The following TMEM38B variants were observed in gnomAD, a reference collection of about 807,000 sequenced individuals.
TMEM38B encodes transmembrane protein 38B.
In TMEM38B, 24 loss-of-function variants were observed where a neutral mutation model predicts 28.7. The observed-to-expected ratio is 0.84, with a 90% CI of 0.61 to 1.18. The LOEUF (loss-of-function observed/expected upper bound fraction) is 1.18, where lower values mean the gene tolerates loss of function less well. TMEM38B is among the 50% of genes most tolerant of loss of function. The pLI is 0.00. For synonymous variants in TMEM38B, 131 were observed against 127.7 expected (o/e 1.03, Z -0.17); for missense variants, 380 against 350.9 (o/e 1.08, Z -0.66).
At chr9:105,715,033 A>G (rs996706585) in intron 2 of TMEM38B, among the ~76,000 whole-genome samples, 2 of 152,154 alleles carry the variant, frequency 1.3e-5, no homozygotes, top group East Asian at 1.9e-4. Flanking sequence ...CCTTTCTTCC[A>G]CCCTAAGAAT....
chr9:105,715,266 CT>C (rs899643036), intron 2 of TMEM38B, among the ~76,000 whole-genome samples: 64 of 152,176 alleles, frequency 4.2e-4, no homozygotes, highest in African/African-American at 1.5e-3. Flanking sequence ...TTTCTTCTGG[CT>C]TAAAGCACTG....
chr9:105,751,062 C>T (rs1837630793), intron 5 of TMEM38B, among the ~76,000 whole-genome samples: 1 of 152,164 alleles, frequency 6.6e-6, no homozygotes, highest in Non-Finnish European at 1.5e-5. Context: ...GTTTTGAAAT[C>T]AAGACGTGTG....
rs201170933 is a variant in TMEM38B, at chr9:105,694,657, C to A, written c.-4C>A. On this transcript the variant is annotated 5_prime_UTR_variant, in exon 1 of 6. Transcript: ENST00000374692. ...TGCTTCGGTTGCCGCGGTCGGTGGTCGTTATGGATTCTCCATGGGACGAGT... is the reference window on the plus strand; with the variant it reads ...TGCTTCGGTTGCCGCGGTCGGTGGTAGTTATGGATTCTCCATGGGACGAGT... The A allele has an allele frequency of 3.2e-5, 51 of 1,612,402 alleles. No homozygotes were observed. In the Admixed American group the frequency reaches 5.2e-4, roughly 16 times the overall value.
chr9:105,704,590 G>A (rs1292948790), intron 1 of TMEM38B, among the ~76,000 whole-genome samples: 3 of 151,586 alleles, frequency 2.0e-5, no homozygotes, highest in African/African-American at 7.3e-5. Flanking sequence ...GTTTGGGTTT[G>A]TCTGATTCGA....
intron 4 of TMEM38B, among the ~76,000 whole-genome samples, chr9:105,745,999 T>C (rs1774140960): frequency 6.6e-6 from 1 of 152,216 alleles, no homozygotes. Context: ...TAGTATAGTT[T>C]GAAGTCAGGT....
In TMEM38B at chr9:105,747,702, T is replaced by C. The variant is rs146798597; in HGVS notation, c.543-371T>C. 5.0e-3 allele frequency among the ~76,000 whole-genome samples: 761 copies of C among 152,318 alleles called. 1 individual carries two copies. Among genetic ancestry groups the C allele is most frequent in the Non-Finnish European group, 8.2e-3 (558 of 68,028 alleles). On this transcript the variant is annotated intron_variant, in intron 4 of 5. Coordinates refer to ENST00000374692, the MANE Select transcript of TMEM38B (RefSeq NM_018112.3). Reference sequence around the variant, plus strand: ...AATTTTAGATCTTTCCTGCTTTCTCTTGTGGGCACCTAGTGCTATAAATTT... The same window carrying C: ...AATTTTAGATCTTTCCTGCTTTCTCCTGTGGGCACCTAGTGCTATAAATTT...
rs544217061 is a variant in TMEM38B, at chr9:105,745,915, G to T, written c.543-2158G>T. Among the ~76,000 whole-genome samples, 266 of 152,080 alleles carry T rather than the reference G, an allele frequency of 1.7e-3. 1 individual carries two copies. The highest frequency in any genetic ancestry group is 3.2e-3 in the Non-Finnish European group (216 of 67,986). On this transcript the variant is annotated intron_variant, in intron 4 of 5. Coordinates refer to ENST00000374692, the MANE Select transcript of TMEM38B (RefSeq NM_018112.3). The stretch of plus-strand genomic sequence containing the variant: ...TAGATGTGTGGTATTATTTCTGAGG[G>T]CTCTGTTCTGTTCCATTGGTCTATA...
chr9:105,756,949 T>C (rs1837855257), intron 5 of TMEM38B, among the ~76,000 whole-genome samples: 1 of 152,166 alleles, frequency 6.6e-6, no homozygotes, highest in African/African-American at 2.4e-5. Context: ...GACAGGTGTT[T>C]TTTTGGTTAC....
intron 5 of TMEM38B, chr9:105,759,583 G>T (rs1837960432): frequency 6.4e-7 from 1 of 1,560,284 alleles, no homozygotes; most frequent in Admixed American, 1.7e-5. Flanking sequence ...CTGTTCTTTG[G>T]AAGGAATTGT....
chr9:105,750,781 G>A (rs1837620470), intron 5 of TMEM38B, among the ~76,000 whole-genome samples: 1 of 152,092 alleles, frequency 6.6e-6, no homozygotes, highest in South Asian at 2.1e-4. Context: ...TTTAGCTCTT[G>A]TATTTAGTTT....
chr9:105,729,220 C>T (rs1057239750), intron 4 of TMEM38B, among the ~76,000 whole-genome samples: 1 of 152,202 alleles, frequency 6.6e-6, no homozygotes, highest in African/African-American at 2.4e-5. Flanking sequence ...TTAGGTCTAA[C>T]ATTTCAGTCT....
In TMEM38B at chr9:105,722,601, T is replaced by C. The variant is rs140960671; in HGVS notation, c.522T>C (p.Asp174=). The part of the protein sequence containing the change: ...LVKGDWKPEG[D]EWLKMSYPAK... Reference sequence around the variant, plus strand: ...AAGGAGATTGGAAACCAGAAGGTGATGAATGGCTGAAGATGTCATAGTAAG... The same window carrying C: ...AAGGAGATTGGAAACCAGAAGGTGACGAATGGCTGAAGATGTCATAGTAAG... Residue 174 remains aspartate (D), a synonymous_variant, in exon 4 of 6, where the codon GAT becomes GAC. Transcript: ENST00000374692. 3.7e-6 allele frequency: 6 copies of C among 1,613,492 alleles called. No individual in the cohort carries two copies. The highest frequency in any genetic ancestry group is 1.7e-5 in the Admixed American group (1 of 59,990).
intron 5 of TMEM38B, among the ~76,000 whole-genome samples, chr9:105,769,167 GTTATCAACAGACAA>G (rs887216624): frequency 1.7e-4 from 26 of 152,104 alleles, no homozygotes; most frequent in African/African-American, 6.0e-4. Flanking sequence ...TTAAAGGAAA[GTTATCAACAGACAA>G]TTCACACAGA....
chr9:105,720,311 AT>A (rs1423956024), intron 2 of TMEM38B, among the ~76,000 whole-genome samples: 1 of 150,824 alleles, frequency 6.6e-6, no homozygotes, highest in African/African-American at 2.5e-5. Context: ...TCTAAGAACT[AT>A]TGTAGTTCAT....
At position 105,722,602 on chromosome 9, in the gene TMEM38B, G is replaced by A. The variant is rs1258639514; in HGVS notation, c.523G>A (p.Glu175Lys). The A allele has an allele frequency of 6.2e-7, 1 of 1,613,590 alleles. No homozygotes were observed. The highest frequency in any genetic ancestry group is 2.2e-5 in the East Asian group (1 of 44,806). ...VKGDWKPEGD[E>K]WLKMSYPAKV... is the part of the protein sequence containing the mutation. ...AGGAGATTGGAAACCAGAAGGTGAT[G>A]AATGGCTGAAGATGTCATAGTAAGT... is the stretch of plus-strand genomic sequence containing the variant. The change falls in exon 4 of 6, where the codon GAA becomes AAA. Residue 175 changes from glutamate to lysine, a missense_variant. Glu to Lys is a moderately conservative substitution (Grantham distance 56). Coordinates refer to ENST00000374692, the MANE Select transcript of TMEM38B (RefSeq NM_018112.3).
chr9:105,752,806 G>C (rs1354113224), intron 5 of TMEM38B, among the ~76,000 whole-genome samples: 1 of 152,180 alleles, frequency 6.6e-6, no homozygotes, highest in Non-Finnish European at 1.5e-5. Context: ...CATGGAACTA[G>C]GCTGAGGCTG....
At chr9:105,709,879 C>T (rs1835833759) in intron 2 of TMEM38B, among the ~76,000 whole-genome samples, 1 of 152,202 alleles carries the variant, frequency 6.6e-6, no homozygotes, top group African/African-American at 2.4e-5. Flanking sequence ...CCACCTAAAT[C>T]AGTTTGAGGC....
intron 1 of TMEM38B, among the ~76,000 whole-genome samples, chr9:105,698,848 G>T (rs1835368216): frequency 2.0e-5 from 3 of 151,942 alleles, no homozygotes; most frequent in Admixed American, 2.0e-4. Flanking sequence ...ATGTTTCTTG[G>T]TATATTTTAA....
At chr9:105,765,213 A>T (rs1309716815) in intron 5 of TMEM38B, among the ~76,000 whole-genome samples, 1 of 152,224 alleles carries the variant, frequency 6.6e-6, no homozygotes, top group African/African-American at 2.4e-5. Context: ...TGAGATTAAA[A>T]TTATTTGGGG....
Sources: gnomAD v4.1 joint callset for allele counts (sites outside exome capture counted in the v4.1 genomes callset) on GRCh38, gnomAD v4.1.1 for gene constraint, MANE v1.5 for transcripts, NCBI Gene and HGNC (gene_info 2026-07-23, HGNC 2026-07-21) for gene names.